CLIP1: variants seen among roughly 807,000 people sequenced by gnomAD.
The protein encoded by CLIP1 is CAP-Gly domain-containing linker protein 1.
Under a neutral mutation model 161.6 loss-of-function variants are expected in CLIP1, and 66 were observed. That is an observed-to-expected ratio of 0.41 (90% confidence interval 0.33 to 0.50). The LOEUF is 0.50. Ranked by LOEUF, CLIP1 falls within the 20% of genes least tolerant of loss-of-function variation. The probability of loss-of-function intolerance (pLI) is 0.27; values close to 1 mark genes in which losing one functional copy is unlikely to be tolerated. For synonymous variants in CLIP1, 598 were observed against 626.2 expected (o/e 0.96, Z 0.67); for missense variants, 1,376 against 1,702.0 (o/e 0.81, Z 3.37).
chr12:122,386,841 G>A (rs866664659), intron 1 of CLIP1, among the ~76,000 whole-genome samples: 58 of 96,914 alleles, frequency 6.0e-4, no homozygotes, highest in African/African-American at 1.5e-3. Flanking sequence ...AAAAAAAAAA[G>A]AGAGAGAGAT....
intron 20 of CLIP1, among the ~76,000 whole-genome samples, chr12:122,302,265 T>A (rs1950711946): frequency 6.6e-6 from 1 of 152,036 alleles, no homozygotes; most frequent in Non-Finnish European, 1.5e-5. Flanking sequence ...CATGCCTGGC[T>A]ATTTTTTTTC....
At chr12:122,304,074 G>A (rs1482522480) in intron 20 of CLIP1, among the ~76,000 whole-genome samples, 2 of 152,234 alleles carry the variant, frequency 1.3e-5, no homozygotes, top group African/African-American at 4.8e-5. Flanking sequence ...GCTGCAGTTT[G>A]TTGGCTGGAC....
intron 4 of CLIP1, among the ~76,000 whole-genome samples, chr12:122,361,734 T>C (rs1953825456): frequency 6.6e-6 from 1 of 152,078 alleles, no homozygotes; most frequent in African/African-American, 2.4e-5. Flanking sequence ...GGCATGGTGG[T>C]GCAGGAGGCT....
intron 4 of CLIP1, among the ~76,000 whole-genome samples, chr12:122,362,713 T>TA (rs34046739): frequency 0.065 from 6,891 of 105,528 alleles, 289 homozygotes; most frequent in Middle Eastern, 0.1. Flanking sequence ...AAAAATATGA[T>TA]AAAAAAAAAA....
intron 1 of CLIP1, among the ~76,000 whole-genome samples, chr12:122,421,839 A>G (rs1011838153): frequency 2.0e-5 from 3 of 152,126 alleles, no homozygotes; most frequent in African/African-American, 7.2e-5. Context: ...TAACCTCTGA[A>G]CAAGTGTCAT....
rs1955208448 is a variant in CLIP1 at position 122,272,176 on chromosome 12, A to G, written c.*699T>C. Reference sequence around the variant, plus strand: ...TTTAAAAAATATATACATACAATATATAGAAGCTGAAATTATGCAAAACTA... The same window carrying G: ...TTTAAAAAATATATACATACAATATGTAGAAGCTGAAATTATGCAAAACTA... On this transcript the variant is annotated 3_prime_UTR_variant, in exon 26 of 26. Coordinates refer to ENST00000620786, the MANE Select transcript of CLIP1 (RefSeq NM_001247997.2). 1 of 152,562 alleles carries G rather than the reference A, an allele frequency of 6.6e-6. No homozygotes were observed. Among genetic ancestry groups the G allele is most frequent in the Non-Finnish European group, 1.5e-5 (1 of 68,040 alleles). 9.5% of individuals were successfully genotyped at this position (152,562 alleles called of 1,614,324 possible). A position where few individuals can be genotyped will look rare whatever the true frequency, so the allele number is the denominator to read the frequency against.
chr12:122,359,086 CAAAT>C lies in CLIP1; in HGVS notation c.1005+1869_1005+1872del, dbSNP rs201948462. ...AAAAAATAAAAAATAAAAATAAAAA[CAAAT>C]AAAGAATGAATTAAATTTTTTTCAA... On this transcript the variant is annotated intron_variant, in intron 5 of 25. Coordinates refer to ENST00000620786, the MANE Select transcript of CLIP1 (RefSeq NM_001247997.2). 3.3e-3 allele frequency among the ~76,000 whole-genome samples: 505 copies of C among 152,182 alleles called. 2 individuals carry two copies. Among genetic ancestry groups the C allele is most frequent in the African/African-American group, 0.011 (455 of 41,502 alleles).
chr12:122,321,642 C>T (rs542970842), intron 17 of CLIP1, among the ~76,000 whole-genome samples: 1 of 152,270 alleles, frequency 6.6e-6, no homozygotes, highest in East Asian at 1.9e-4. Context: ...TCTCAGCCTC[C>T]TGAGCAGCTG....
chr12:122,334,634 C>T lies in CLIP1; in HGVS notation c.2626+14G>A, dbSNP rs1383337156. ...TTTTTTAAAGCAATCTGCACACGCT[C>T]TGGTAAGACATACCTTGCATACTTC... is the stretch of plus-strand genomic sequence containing the variant. On this transcript the variant is annotated intron_variant, in intron 13 of 25. Coordinates refer to ENST00000620786, the MANE Select transcript of CLIP1 (RefSeq NM_001247997.2). 1.3e-6 allele frequency: 2 copies of T among 1,563,262 alleles called. No individual in the cohort carries two copies.
In CLIP1 at chr12:122,355,059, G is replaced by A; in HGVS notation, c.1203+56C>T. 9 of 1,522,654 alleles carry A rather than the reference G, an allele frequency of 5.9e-6. No homozygotes were observed. Among genetic ancestry groups the A allele is most frequent in the Non-Finnish European group, 8.1e-6 (9 of 1,105,100 alleles). The allele number at this position is 1,522,654 out of a possible 1,614,324, so 94.3% of individuals were successfully genotyped here. A position where few individuals can be genotyped will look rare whatever the true frequency, so the allele number is the denominator to read the frequency against. Reference sequence around the variant, plus strand: ...TGCCAAGCACCGGGCATGCTTCTCGGCTCCTCAGTGGCTTTAGAAACCATC... The same window carrying A: ...TGCCAAGCACCGGGCATGCTTCTCGACTCCTCAGTGGCTTTAGAAACCATC... On this transcript the variant is annotated intron_variant, in intron 6 of 25. Transcript: ENST00000620786. The surrounding 1 kb of genome is among the most constrained non-coding windows in gnomAD (Gnocchi z 4.1).
intron 2 of CLIP1, among the ~76,000 whole-genome samples, chr12:122,380,125 C>A (rs193173062): frequency 6.6e-6 from 1 of 151,368 alleles, no homozygotes; most frequent in Non-Finnish European, 1.5e-5. Flanking sequence ...CGCCTATATT[C>A]CCAGCTACTT....
intron 11 of CLIP1, among the ~76,000 whole-genome samples, chr12:122,339,421 T>C (rs1037525165): frequency 1.1e-4 from 17 of 152,076 alleles, no homozygotes; most frequent in Non-Finnish European, 1.9e-4. Context: ...CACTGCCACC[T>C]CCACCTCCCG....
chr12:122,419,485 A>C (rs1290478530), intron 1 of CLIP1, among the ~76,000 whole-genome samples: 1 of 152,158 alleles, frequency 6.6e-6, no homozygotes, highest in Non-Finnish European at 1.5e-5. Flanking sequence ...TATCTATTCA[A>C]GGAAGACCAG....
chr12:122,275,260 A>C (rs1955361871), intron 24 of CLIP1: 1 of 152,180 alleles, frequency 6.6e-6, no homozygotes, highest in South Asian at 2.1e-4. Flanking sequence ...CATTCTCCAG[A>C]AGTCATAATC....
chr12:122,351,470 T>C (rs1047469402), intron 8 of CLIP1, among the ~76,000 whole-genome samples: 1 of 152,228 alleles, frequency 6.6e-6, no homozygotes, highest in African/African-American at 2.4e-5. Flanking sequence ...TATTAAATTG[T>C]TAATGAACCA....
intron 21 of CLIP1, among the ~76,000 whole-genome samples, chr12:122,284,646 C>G (rs1322427202): frequency 6.6e-6 from 1 of 152,182 alleles, no homozygotes; most frequent in African/African-American, 2.4e-5. Flanking sequence ...GCCACTGCAC[C>G]TGGTCATGTT....
chr12:122,293,484 C>CTT (rs71082961), intron 20 of CLIP1, among the ~76,000 whole-genome samples: 15 of 148,212 alleles, frequency 1.0e-4, no homozygotes, highest in East Asian at 2.0e-4. Context: ...ATTTCTTTTT[C>CTT]TTTTTTTTTT....
chr12:122,330,022 C>A (rs1951875819), intron 15 of CLIP1, among the ~76,000 whole-genome samples: 1 of 152,142 alleles, frequency 6.6e-6, no homozygotes, highest in Non-Finnish European at 1.5e-5. Flanking sequence ...GAGGCTGAGA[C>A]AGGAGAATCA....
chr12:122,293,834 T>G (rs2136341564), intron 20 of CLIP1, among the ~76,000 whole-genome samples: 1 of 142,294 alleles, frequency 7.0e-6, no homozygotes, highest in African/African-American at 2.7e-5. Context: ...AGACAGAGTC[T>G]TGCTCTGTTG....
Sources: gnomAD v4.1 joint callset for allele counts (sites outside exome capture counted in the v4.1 genomes callset) on GRCh38, gnomAD v4.1.1 for gene constraint, Gnocchi (gnomAD v3.1) non-coding constraint, MANE v1.5 for transcripts, NCBI Gene and HGNC (gene_info 2026-07-23, HGNC 2026-07-21) for gene names.